PTPN3: variants seen among roughly 807,000 people sequenced by gnomAD.
PTPN3 encodes protein tyrosine phosphatase non-receptor type 3.
In PTPN3, 96 loss-of-function variants were observed where a neutral mutation model predicts 132.7. The ratio of observed to expected loss-of-function variants is 0.72; its 90% CI spans 0.61 to 0.86. The LOEUF (loss-of-function observed/expected upper bound fraction) is 0.86, where lower values mean the gene tolerates loss of function less well. Ranked by LOEUF, PTPN3 falls within the 40% of genes least tolerant of loss-of-function variation. The pLI, the probability that PTPN3 is intolerant of heterozygous loss-of-function variation, is 0.00. For missense variants in PTPN3, 1,125 were observed against 1,159.6 expected, an observed-to-expected ratio of 0.97 and a Z score of 0.43; for synonymous variants, 398 against 429.0, an observed-to-expected ratio of 0.93 and a Z score of 0.89.
intron 1 of PTPN3, among the ~76,000 whole-genome samples, chr9:109,487,514 C>G (rs954134592): frequency 6.6e-6 from 1 of 152,258 alleles, no homozygotes; most frequent in African/African-American, 2.4e-5. Context: ...AAGAGAATCA[C>G]ACGCTCTGGG....
intron 1 of PTPN3, among the ~76,000 whole-genome samples, chr9:109,475,837 C>T (rs932943279): frequency 6.6e-6 from 1 of 152,220 alleles, no homozygotes; most frequent in African/African-American, 2.4e-5. Context: ...ACCGGACCAT[C>T]CTGCCAGCCT....
chr9:109,415,076 A>G (rs796496995), intron 14 of PTPN3, among the ~76,000 whole-genome samples: 405 of 58,522 alleles, frequency 6.9e-3, no homozygotes, highest in Admixed American at 0.016. Flanking sequence ...CCGTCCATCC[A>G]ACCATCCATC....
upstream of PTPN3, chr9:109,498,444 A>G (rs1169057471): frequency 6.6e-6 from 1 of 150,990 alleles, no homozygotes; most frequent in Admixed American, 6.6e-5. The surrounding 1 kb of genome is among the most constrained non-coding windows in gnomAD (Gnocchi z 4.2). Flanking sequence ...GCGCGCCCCG[A>G]CGCATCTCCT....
Position 109,457,278 on chromosome 9 carries a change from A to C in PTPN3, c.246+14T>G. The stretch of plus-strand genomic sequence containing the variant: ...GTGAAGGAGTTCAGCACATTTTTTA[A>C]AAATGGCACTTACAGGAGAGTCCAC... On this transcript the variant is annotated intron_variant, in intron 3 of 25. Coordinates refer to ENST00000374541, the MANE Select transcript of PTPN3 (RefSeq NM_002829.4). 1 of 1,612,776 alleles carries C rather than the reference A, an allele frequency of 6.2e-7. No individual in the cohort carries two copies. Among genetic ancestry groups the C allele is most frequent in the African/African-American group, 1.3e-5 (1 of 74,998 alleles).
chr9:109,440,429 G>A (rs1010456207), intron 7 of PTPN3, among the ~76,000 whole-genome samples: 4 of 152,224 alleles, frequency 2.6e-5, no homozygotes, highest in African/African-American at 7.2e-5. Flanking sequence ...AAGCTCTCAT[G>A]TTAAGAGTGA....
At chr9:109,423,686 A>G (rs1011504688) in intron 12 of PTPN3, among the ~76,000 whole-genome samples, 4 of 152,196 alleles carry the variant, frequency 2.6e-5, no homozygotes, top group African/African-American at 7.2e-5. Context: ...AATTTTATTT[A>G]TACCTAGAGA....
intron 24 of PTPN3, among the ~76,000 whole-genome samples, chr9:109,382,080 T>G (rs557129652): frequency 3.3e-5 from 5 of 152,296 alleles, no homozygotes; most frequent in African/African-American, 9.6e-5. Flanking sequence ...AGAAAGGGTG[T>G]GTGAGGGGAT....
chr9:109,524,820 C>A, the PTPN3 span, among the ~76,000 whole-genome samples: 4 of 152,216 alleles, frequency 2.6e-5, no homozygotes, highest in Non-Finnish European at 5.9e-5. Flanking sequence ...TCACTGCAAC[C>A]TTTGCCTCCC....
Position 109,428,533 on chromosome 9 carries a change from C to T in PTPN3, c.828+88G>A, listed in dbSNP as rs987877111. 2.2e-6 allele frequency: 3 copies of T among 1,388,962 alleles called. No individual in the cohort carries two copies. The South Asian group carries it at 4.0e-5, about 18-fold the overall frequency. The allele number at this position is 1,388,962 out of a possible 1,614,324, so 86.0% of individuals were successfully genotyped here. On this transcript the variant is annotated intron_variant, in intron 11 of 25. Coordinates refer to ENST00000374541, the MANE Select transcript of PTPN3 (RefSeq NM_002829.4). ...GGCTGAGGCAGGAGGATCCCCTGAG[C>T]TCAGTTTGGGCAACATAGCGAGACC...
At chr9:109,466,951 ATATTT>A (rs1270099862) in intron 1 of PTPN3, among the ~76,000 whole-genome samples, 1 of 152,118 alleles carries the variant, frequency 6.6e-6, no homozygotes, top group African/African-American at 2.4e-5. Flanking sequence ...TCATATCATT[ATATTT>A]AAGGAGCTCC....
Position 109,378,296 on chromosome 9 carries a change from T to G in PTPN3, c.*1260A>C, listed in dbSNP as rs1838740783. ...AATTTGCTACAATCCTGTCACAAAT[T>G]TAAAAAAATTTAACACGGTATTCAC... On this transcript the variant is annotated 3_prime_UTR_variant, in exon 26 of 26. Coordinates refer to ENST00000374541, the MANE Select transcript of PTPN3 (RefSeq NM_002829.4). The G allele has an allele frequency of 6.6e-6, 1 of 152,562 alleles. No individual in the cohort carries two copies. The highest frequency in any genetic ancestry group is 1.5e-5 in the Non-Finnish European group (1 of 68,038). 9.5% of individuals were successfully genotyped at this position (152,562 alleles called of 1,614,324 possible).
intron 13 of PTPN3, among the ~76,000 whole-genome samples, chr9:109,421,918 C>T (rs1373788568): frequency 6.6e-6 from 1 of 152,090 alleles, no homozygotes; most frequent in Non-Finnish European, 1.5e-5. Context: ...GCAATGATTC[C>T]CTGCTAGGTT....
the PTPN3 span, among the ~76,000 whole-genome samples, chr9:109,504,382 T>G: frequency 6.6e-6 from 1 of 152,188 alleles, no homozygotes; most frequent in Admixed American, 6.5e-5. Context: ...CAGATGTGCT[T>G]GTCAGCTCAT....
rs754391577 is a variant in PTPN3 at position 109,404,546 on chromosome 9, T to G, written c.1855A>C (p.Ile619Leu). Residue 619 changes from isoleucine to leucine, a missense_variant, in exon 19 of 26, where the codon ATT becomes CTT. Physicochemically the swap from Ile to Leu is conservative, Grantham distance 5. Coordinates refer to ENST00000374541, the MANE Select transcript of PTPN3 (RefSeq NM_002829.4). ...CCACCCTCCGGACACATGGGGAAAATGGCTTCGGGGAAAAGCTGGTTCAGT... is the reference window on the plus strand; with the variant it reads ...CCACCCTCCGGACACATGGGGAAAAGGGCTTCGGGGAAAAGCTGGTTCAGT... ...DELNQLFPEA[I>L]FPMCPEGGDT... 1 of 1,568,942 alleles carries G rather than the reference T, an allele frequency of 6.4e-7. No individual in the cohort carries two copies. The highest frequency in any genetic ancestry group is 1.2e-5 in the South Asian group (1 of 82,088).
chr9:109,439,960 C>T (rs1588430318), intron 7 of PTPN3, among the ~76,000 whole-genome samples: 2 of 151,952 alleles, frequency 1.3e-5, no homozygotes, highest in South Asian at 4.2e-4. Context: ...TTCATTCAGC[C>T]TTGTTCACCT....
the PTPN3 span, among the ~76,000 whole-genome samples, chr9:109,516,019 C>T: frequency 2.6e-5 from 4 of 152,148 alleles, no homozygotes; most frequent in Non-Finnish European, 4.4e-5. Context: ...ATTACTATAC[C>T]GGCACAGAAC....
At chr9:109,430,186 C>G (rs1843558139) in intron 10 of PTPN3, among the ~76,000 whole-genome samples, 1 of 152,158 alleles carries the variant, frequency 6.6e-6, no homozygotes, top group South Asian at 2.1e-4. Context: ...TCGGGGGAGT[C>G]TCCTCACGAT....
intron 18 of PTPN3, among the ~76,000 whole-genome samples, chr9:109,405,688 C>G (rs1410279423): frequency 6.6e-6 from 1 of 152,202 alleles, no homozygotes; most frequent in Admixed American, 6.5e-5. Context: ...TTCCTGGGTT[C>G]AAGCGATTCT....
At chr9:109,427,880 G>C (rs1843390111) in intron 11 of PTPN3, among the ~76,000 whole-genome samples, 1 of 152,186 alleles carries the variant, frequency 6.6e-6, no homozygotes, top group Non-Finnish European at 1.5e-5. Flanking sequence ...TAGTGCTGTG[G>C]AAAGAGCAGG....
Sources: gnomAD v4.1 joint callset for allele counts (sites outside exome capture counted in the v4.1 genomes callset) on GRCh38, gnomAD v4.1.1 for gene constraint, Gnocchi (gnomAD v3.1) non-coding constraint, MANE v1.5 for transcripts, NCBI Gene and HGNC (gene_info 2026-07-23, HGNC 2026-07-21) for gene names.